PPFIA4: variants seen among roughly 807,000 people sequenced by gnomAD.
PPFIA4 encodes liprin-alpha-4.
Under a neutral mutation model 145.7 loss-of-function variants are expected in PPFIA4, and 98 were observed. The ratio of observed to expected loss-of-function variants is 0.67; its 90% CI spans 0.57 to 0.80. PPFIA4 has a LOEUF of 0.80. PPFIA4 is among the 30% of genes least tolerant of loss of function. The pLI, the probability that PPFIA4 is intolerant of heterozygous loss-of-function variation, is 0.00. For synonymous variants in PPFIA4, 628 were observed against 649.6 expected, an observed-to-expected ratio of 0.97 and a Z score of 0.51; for missense variants, 1,457 against 1,632.7, an observed-to-expected ratio of 0.89 and a Z score of 1.85.
chr1:203,048,955 A>G lies in PPFIA4; in HGVS notation c.1394A>G (p.Gln465Arg). 6.5e-7 allele frequency: 1 copy of G among 1,548,478 alleles called. No individual in the cohort carries two copies. The highest frequency in any genetic ancestry group is 8.7e-7 in the Non-Finnish European group (1 of 1,146,810). Residue 465 changes from glutamine to arginine, a missense_variant, in exon 12 of 30, where the codon CAG becomes CGG. Gln to Arg is a conservative substitution (Grantham distance 43). Around this residue, in one of 3 missense-constraint regions of PPFIA4, gnomAD observed 848 missense variants for 1,046.7 expected, o/e 0.81. Transcript: ENST00000295706. This position sits in a 1 kb window ranked among gnomAD's most constrained non-coding sequence, Gnocchi z 5.8. ...CAGGAGTTGGAGAGCTCCCAGCGGC[A>G]GATTGAGGAGCAGCACCACCACAAG... is the stretch of plus-strand genomic sequence containing the variant. ...LIQELESSQR[Q>R]IEEQHHHKGR...
Position 203,068,473 on chromosome 1 carries a change from G to A in PPFIA4, c.3169G>A (p.Asp1057Asn), listed in dbSNP as rs1323104734. The A allele has an allele frequency of 4.4e-6, 7 of 1,607,106 alleles. No homozygotes were observed. The highest frequency in any genetic ancestry group is 1.1e-5 in the South Asian group (1 of 90,012). Reference sequence around the variant, plus strand: ...TCCAGATGTGTTAGTCTGGACCAACGACCAGGTGGTTCATTGGGTCCAGTC... The same window carrying A: ...TCCAGATGTGTTAGTCTGGACCAACAACCAGGTGGTTCATTGGGTCCAGTC... ...EIKDVLVWTN[D>N]QVVHWVQSIG... The change falls in exon 27 of 30, where the codon GAC becomes AAC. Residue 1057 changes from aspartate (D) to asparagine (N), a missense_variant. Asp to Asn is a conservative substitution (Grantham distance 23). This residue lies in a region of PPFIA4 where 848 missense variants were observed against 1,046.7 expected (regional missense o/e 0.81). Coordinates refer to ENST00000295706, the MANE Select transcript of PPFIA4 (RefSeq NM_001304331.2). The surrounding 1 kb of genome is among the most constrained non-coding windows in gnomAD (Gnocchi z 4.7).
At chr1:203,071,279 C>T (rs913182597) in intron 27 of PPFIA4, among the ~76,000 whole-genome samples, 32 of 151,422 alleles carry the variant, frequency 2.1e-4, no homozygotes, top group African/African-American at 7.8e-4. Context: ...AAGCAATTCT[C>T]CTGCCTCAGC....
In PPFIA4 at chr1:203,062,771, A is replaced by G. The variant is rs75053897; in HGVS notation, c.2875-1057A>G. Among the ~76,000 whole-genome samples the G allele has an allele frequency of 9.0e-3, 1,372 of 152,350 alleles. 57 individuals are homozygous for G. Among genetic ancestry groups the G allele is most frequent in the Admixed American group, 0.065 (1,000 of 15,308 alleles). On this transcript the variant is annotated intron_variant, in intron 24 of 29. Transcript: ENST00000295706. The stretch of plus-strand genomic sequence containing the variant: ...CAAAACTCAAAACCAAACAAAATTA[A>G]TAATATGTTGTTTAGGGAAATATAC...
In PPFIA4 at chr1:203,063,944, G is replaced by T; in HGVS notation, c.2991G>T (p.Leu997=). 1 of 1,613,996 alleles carries T rather than the reference G, an allele frequency of 6.2e-7. No individual in the cohort carries two copies. The highest frequency in any genetic ancestry group is 8.5e-7 in the Non-Finnish European group (1 of 1,179,896). ...FMECLVDARM[L]DHLTKKDLRV... ...AGTGCCTGGTGGACGCCCGCATGCT[G>T]GACCACCTCACCAAGAAGGACCTGC... is the stretch of plus-strand genomic sequence containing the variant. Residue 997 remains leucine (L), a synonymous_variant, in exon 25 of 30, where the codon CTG becomes CTT. Coordinates refer to ENST00000295706, the MANE Select transcript of PPFIA4 (RefSeq NM_001304331.2).
At position 203,068,898 on chromosome 1, in the gene PPFIA4, C is replaced by T. The variant is rs1446076196; in HGVS notation, c.3324+270C>T. Reference sequence around the variant, plus strand: ...TCTTACAATGCGCATCCCCGTCCTGCCCTGGGTACCTCTATCTCCTCCTAA... The same window carrying T: ...TCTTACAATGCGCATCCCCGTCCTGTCCTGGGTACCTCTATCTCCTCCTAA... On this transcript the variant is annotated intron_variant, in intron 27 of 29. Coordinates refer to ENST00000295706, the MANE Select transcript of PPFIA4 (RefSeq NM_001304331.2). The surrounding 1 kb of genome is among the most constrained non-coding windows in gnomAD (Gnocchi z 4.7). 6.6e-6 allele frequency among the ~76,000 whole-genome samples: 1 copy of T among 152,156 alleles called. No individual in the cohort carries two copies. Among genetic ancestry groups the T allele is most frequent in the Non-Finnish European group, 1.5e-5 (1 of 68,026 alleles).
rs749773942 is a variant in PPFIA4, at chr1:203,056,086, T to TGA, written c.2071-32_2071-31dup. On this transcript the variant is annotated intron_variant, in intron 16 of 29. Coordinates refer to ENST00000295706, the MANE Select transcript of PPFIA4 (RefSeq NM_001304331.2). ...GGTTGGCTCTAGGGCACCCAGAGGG[T>TGA]GAGTCTGAGCTTACCCATCCCTCTC... 3.1e-6 allele frequency: 5 copies of TGA among 1,613,014 alleles called. No homozygotes were observed. The African/African-American group carries it at 6.7e-5, about 22-fold the overall frequency.
In PPFIA4 at chr1:203,053,977, G is replaced by C; in HGVS notation, c.1829+16G>C. On this transcript the variant is annotated intron_variant, in intron 15 of 29. Transcript: ENST00000295706. ...AGGAAATCAGGTTAGGGCAGGGCTG[G>C]AGGGCTTGGGAAGTGCATTGAAGGG... The C allele has an allele frequency of 6.4e-7, 1 of 1,554,548 alleles. No individual in the cohort carries two copies.
intron 24 of PPFIA4, chr1:203,063,571 T>TTC (rs1434350288): frequency 2.5e-6 from 1 of 402,646 alleles, no homozygotes. Flanking sequence ...GGATAGCTAC[T>TTC]TCTGTTCATT....
At chr1:203,049,300 G>T (rs755751393) in intron 12 of PPFIA4, among the ~76,000 whole-genome samples, 1 of 152,202 alleles carries the variant, frequency 6.6e-6, no homozygotes, top group African/African-American at 2.4e-5. Flanking sequence ...ATTCTGGGAG[G>T]ATTTGCCTCC....
In PPFIA4 at chr1:203,077,639, A is replaced by G. The variant is rs1326623568; in HGVS notation, c.*1249A>G. 1 of 152,158 alleles carries G rather than the reference A, an allele frequency of 6.6e-6. No individual in the cohort carries two copies. Among genetic ancestry groups the G allele is most frequent in the Non-Finnish European group, 1.5e-5 (1 of 68,030 alleles). 9.4% of individuals were successfully genotyped at this position (152,158 alleles called of 1,614,324 possible). A position where few individuals can be genotyped will look rare whatever the true frequency, so the allele number is the denominator to read the frequency against. ...TGGGCAGGGACTGCCTCCTCCCGGA[A>G]TTCCTAAGATCCGCCCAGCTGCCAC... On this transcript the variant is annotated 3_prime_UTR_variant, in exon 30 of 30. Coordinates refer to ENST00000295706, the MANE Select transcript of PPFIA4 (RefSeq NM_001304331.2).
chr1:203,059,095 G>C, intron 19 of PPFIA4, 83 bp from the exon 20 acceptor site: 2 of 1,126,204 alleles, frequency 1.8e-6, no homozygotes, highest in Non-Finnish European at 2.6e-6. Flanking sequence ...GGAGCCTCCT[G>C]CTGCTTCTGT....
Position 203,038,931 on chromosome 1 carries a change from C to G in PPFIA4, c.-78C>G. On this transcript the variant is annotated 5_prime_UTR_variant, in exon 2 of 30. Transcript: ENST00000295706. ...CACTGCCCACTCTGAGACCCATGCACTGGGTTCCCCTGGAGGTGCCAACCC... is the reference window on the plus strand; with the variant it reads ...CACTGCCCACTCTGAGACCCATGCAGTGGGTTCCCCTGGAGGTGCCAACCC... The G allele has an allele frequency of 2.7e-6, 2 of 743,104 alleles. No individual in the cohort carries two copies. The highest frequency in any genetic ancestry group is 2.4e-4 in the Middle Eastern group (1 of 4,184). The allele number at this position is 743,104 out of a possible 1,614,324, so 46.0% of individuals were successfully genotyped here.
intron 6 of PPFIA4, 93 bp downstream of exon 6, chr1:203,044,878 C>T: frequency 2.0e-6 from 2 of 1,017,420 alleles, no homozygotes; most frequent in Non-Finnish European, 3.0e-6. Context: ...AGACTAACTG[C>T]TTGAATTAAA....
rs886221587 is a variant in PPFIA4 at position 203,076,659 on chromosome 1, A to T, written c.*269A>T. On this transcript the variant is annotated 3_prime_UTR_variant, in exon 30 of 30. Transcript: ENST00000295706. ...TGTCCATGCTTGGGATTCTGGGGGAAGGAGAGAAGGGCAGCTCAGGGTGGA... is the reference window on the plus strand; with the variant it reads ...TGTCCATGCTTGGGATTCTGGGGGATGGAGAGAAGGGCAGCTCAGGGTGGA... 1.1e-5 allele frequency: 6 copies of T among 533,568 alleles called. No individual in the cohort carries two copies. The highest frequency in any genetic ancestry group is 2.0e-5 in the Non-Finnish European group (6 of 296,820). 33.1% of individuals were successfully genotyped at this position (533,568 alleles called of 1,614,324 possible).
chr1:203,059,282 C>T lies in PPFIA4; in HGVS notation c.2501+11C>T, dbSNP rs549431755. ...GCGGCTAAAGAAGAAGTAAGAGCCA[C>T]AGGCCAGGGTCTGCCAGGGTGGGGC... On this transcript the variant is annotated intron_variant, in intron 20 of 29. Coordinates refer to ENST00000295706, the MANE Select transcript of PPFIA4 (RefSeq NM_001304331.2). 2.7e-6 allele frequency: 4 copies of T among 1,492,442 alleles called. No individual in the cohort carries two copies. The South Asian group carries it at 3.6e-5, about 13-fold the overall frequency. The allele number at this position is 1,492,442 out of a possible 1,614,324, so 92.4% of individuals were successfully genotyped here. A position where few individuals can be genotyped will look rare whatever the true frequency, so the allele number is the denominator to read the frequency against.
Position 203,055,982 on chromosome 1 carries a change from TCTG to T in PPFIA4, c.2071-137_2071-135del. The T allele has an allele frequency of 1.2e-6, 1 of 866,500 alleles. No homozygotes were observed. 53.7% of individuals were successfully genotyped at this position (866,500 alleles called of 1,614,324 possible). A position where few individuals can be genotyped will look rare whatever the true frequency, so the allele number is the denominator to read the frequency against. On this transcript the variant is annotated intron_variant, in intron 16 of 29. Transcript: ENST00000295706. The surrounding 1 kb of genome is among the most constrained non-coding windows in gnomAD (Gnocchi z 4.8). ...TTCTAGGCCAGCTTTTTTTTTTTTT[TCTG>T]GCGTGATATTCTCTCCGGGCCTGTG...
chr1:203,051,477 C>T (rs1660500627), intron 13 of PPFIA4: 1 of 644,614 alleles, frequency 1.6e-6, no homozygotes, highest in Non-Finnish European at 2.2e-6. Flanking sequence ...TTTTAAAAGC[C>T]ACCAGTTGCA....
intron 27 of PPFIA4, among the ~76,000 whole-genome samples, chr1:203,069,545 G>A (rs1040374676): frequency 2.0e-5 from 3 of 152,180 alleles, no homozygotes; most frequent in Admixed American, 1.3e-4. Flanking sequence ...TCCCCTGATT[G>A]TTTTAGCTGC....
Position 203,048,350 on chromosome 1 carries a change from C to A in PPFIA4, c.1224+40C>A. ...CCGGGCCCTCAGGCCCCCTCCTTCC[C>A]GCAGGACAGGCTCCCAGGGCGGTCT... On this transcript the variant is annotated intron_variant, in intron 10 of 29. Coordinates refer to ENST00000295706, the MANE Select transcript of PPFIA4 (RefSeq NM_001304331.2). The surrounding 1 kb of genome is among the most constrained non-coding windows in gnomAD (Gnocchi z 5.8). The A allele has an allele frequency of 1.3e-6, 2 of 1,596,336 alleles. No individual in the cohort carries two copies. The highest frequency in any genetic ancestry group is 4.5e-5 in the East Asian group (2 of 44,232).
Sources: allele counts gnomAD v4.1 joint callset (sites outside exome capture counted in the v4.1 genomes callset), GRCh38; gene constraint gnomAD v4.1.1; regional missense constraint gnomAD v4.1.1; non-coding constraint Gnocchi (gnomAD v3.1); transcripts MANE v1.5; gene names NCBI Gene and HGNC (gene_info 2026-07-23, HGNC 2026-07-21).